The following ADCY9 variants were observed in gnomAD, a reference collection of about 807,000 sequenced individuals.
The protein encoded by ADCY9 is adenylate cyclase type 9.
ADCY9 carries 50 observed loss-of-function variants against 101.5 expected under a neutral mutation model. That is an observed-to-expected ratio of 0.49 (90% confidence interval 0.39 to 0.62). ADCY9 has a LOEUF of 0.62. Among genes scored for constraint, ADCY9 ranks in the 20% least tolerant of loss-of-function variants. ADCY9 has a pLI of 0.00. For synonymous variants in ADCY9, 905 were observed against 769.3 expected, an observed-to-expected ratio of 1.18 and a Z score of -2.92; for missense variants, 1,662 against 1,800.4, an observed-to-expected ratio of 0.92 and a Z score of 1.39.
chr16:3,991,805 C>T (rs1331532495), intron 5 of ADCY9, among the ~76,000 whole-genome samples: 1 of 142,098 alleles, frequency 7.0e-6, no homozygotes, highest in Non-Finnish European at 1.5e-5. Flanking sequence ...CGTGGTGGCT[C>T]ACGCCTATAA....
chr16:4,097,475 T>TAC lies in ADCY9; in HGVS notation c.1693+16274_1693+16275insGT, dbSNP rs1382750078. ...TTACATATATATATATATATATATA[T>TAC]ATATATATATATACACACACACACA... On this transcript the variant is annotated intron_variant, in intron 2 of 10. Transcript: ENST00000294016. Among the ~76,000 whole-genome samples the TAC allele has an allele frequency of 3.4e-3, 153 of 45,106 alleles. 6 individuals carry two copies. Among genetic ancestry groups the TAC allele is most frequent in the African/African-American group, 7.4e-3 (134 of 18,062 alleles). The allele number at this position is 45,106 out of a possible 152,430, so 29.6% of individuals were successfully genotyped here.
At position 4,097,556 on chromosome 16, in the gene ADCY9, T is replaced by A. The variant is rs1430153353; in HGVS notation, c.1693+16194A>T. Among the ~76,000 whole-genome samples, 354 of 85,234 alleles carry A rather than the reference T, an allele frequency of 4.2e-3. 13 individuals are homozygous for A. Among genetic ancestry groups the A allele is most frequent in the African/African-American group, 0.024 (310 of 12,946 alleles). The allele number at this position is 85,234 out of a possible 152,430, so 55.9% of individuals were successfully genotyped here. ...ATATATATATATATATATATATATT[T>A]TTTTTTTTTTTTTTTAAGACAGAGT... On this transcript the variant is annotated intron_variant, in intron 2 of 10. Coordinates refer to ENST00000294016, the MANE Select transcript of ADCY9 (RefSeq NM_001116.4).
intron 2 of ADCY9, among the ~76,000 whole-genome samples, chr16:4,060,122 C>T (rs2056765482): frequency 6.6e-6 from 1 of 152,120 alleles, no homozygotes; most frequent in African/African-American, 2.4e-5. Context: ...ACATAAACCA[C>T]GGTGATTTCC....
At chr16:3,975,756 AATAGTGAAACATTTTT>A (rs1222433406) in intron 9 of ADCY9, among the ~76,000 whole-genome samples, 1 of 152,220 alleles carries the variant, frequency 6.6e-6, no homozygotes, top group Non-Finnish European at 1.5e-5. Context: ...AATACACACT[AATAGTGAAACATTTTT>A]ATAAGCAGTT....
At chr16:4,003,452 C>T (rs1304342565) in intron 3 of ADCY9, among the ~76,000 whole-genome samples, 1 of 152,188 alleles carries the variant, frequency 6.6e-6, no homozygotes, top group Non-Finnish European at 1.5e-5. Context: ...TCCACAGGCA[C>T]CATTCCGGCT....
chr16:4,073,367 A>G (rs1597208883), intron 2 of ADCY9, among the ~76,000 whole-genome samples: 1 of 150,226 alleles, frequency 6.7e-6, no homozygotes, highest in African/African-American at 2.5e-5. Context: ...AATTACAAGC[A>G]TGAGTCACCG....
chr16:3,994,328 G>C (rs1458743856), intron 3 of ADCY9, among the ~76,000 whole-genome samples: 1 of 152,110 alleles, frequency 6.6e-6, no homozygotes, highest in Non-Finnish European at 1.5e-5. Context: ...AAAGCCACCT[G>C]GTTTGTGGTA....
chr16:4,038,346 C>T (rs1717916655), intron 2 of ADCY9, among the ~76,000 whole-genome samples: 1 of 151,534 alleles, frequency 6.6e-6, no homozygotes, highest in Admixed American at 6.6e-5. Context: ...GCTCCACCTT[C>T]TCAAATGGGA....
intron 10 of ADCY9, among the ~76,000 whole-genome samples, chr16:3,974,354 C>T (rs934725640): frequency 2.0e-5 from 3 of 152,158 alleles, no homozygotes; most frequent in South Asian, 4.1e-4. Flanking sequence ...GATTTCAAGT[C>T]GGTTATTTTA....
At chr16:3,996,216 G>T (rs867594514) in intron 3 of ADCY9, among the ~76,000 whole-genome samples, 5 of 152,104 alleles carry the variant, frequency 3.3e-5, no homozygotes, top group Non-Finnish European at 5.9e-5. Flanking sequence ...AAACCAATTA[G>T]CTGACCTTGA....
In ADCY9 at chr16:4,115,703, G is replaced by T. The variant is rs1476147076; in HGVS notation, c.-57C>A. On this transcript the variant is annotated 5_prime_UTR_variant, in exon 1 of 11. Coordinates refer to ENST00000294016, the MANE Select transcript of ADCY9 (RefSeq NM_001116.4). This position sits in a 1 kb window ranked among gnomAD's most constrained non-coding sequence, Gnocchi z 6.2. Reference sequence around the variant, plus strand: ...CTCGGGACGGACCTAGAACGCCCGGGGGTCCCCGCCGCGTGGCCGCCGTGG... The same window carrying T: ...CTCGGGACGGACCTAGAACGCCCGGTGGTCCCCGCCGCGTGGCCGCCGTGG... 1 of 429,228 alleles carries T rather than the reference G, an allele frequency of 2.3e-6. No individual in the cohort carries two copies. The highest frequency in any genetic ancestry group is 4.1e-6 in the Non-Finnish European group (1 of 246,376). 26.6% of individuals were successfully genotyped at this position (429,228 alleles called of 1,614,324 possible).
intron 2 of ADCY9, among the ~76,000 whole-genome samples, chr16:4,070,207 C>G (rs1182827117): frequency 1.3e-5 from 2 of 151,990 alleles, no homozygotes; most frequent in East Asian, 3.8e-4. Context: ...ATTTCCATAT[C>G]ACTCACTGTT....
intron 2 of ADCY9, among the ~76,000 whole-genome samples, chr16:4,053,840 A>C (rs1183441614): frequency 6.6e-6 from 1 of 152,096 alleles, no homozygotes; most frequent in African/African-American, 2.4e-5. Flanking sequence ...GTAATAAAAC[A>C]CAGCATTTTA....
chr16:4,026,013 A>G (rs1247389874), intron 2 of ADCY9, among the ~76,000 whole-genome samples: 1 of 152,252 alleles, frequency 6.6e-6, no homozygotes, highest in Non-Finnish European at 1.5e-5. Context: ...GCAAAGAAAT[A>G]GCAAAGACAG....
chr16:3,994,318 A>C (rs996251302), intron 3 of ADCY9, among the ~76,000 whole-genome samples: 1 of 152,210 alleles, frequency 6.6e-6, no homozygotes, highest in Non-Finnish European at 1.5e-5. Context: ...CTGTTGTTTA[A>C]AAGCCACCTG....
Position 4,115,767 on chromosome 16 carries a change from C to A in ADCY9, c.-121G>T. 1 of 406,426 alleles carries A rather than the reference C, an allele frequency of 2.5e-6. No individual in the cohort carries two copies. Among genetic ancestry groups the A allele is most frequent in the South Asian group, 1.1e-4 (1 of 8,930 alleles). 25.2% of individuals were successfully genotyped at this position (406,426 alleles called of 1,614,324 possible). A position where few individuals can be genotyped will look rare whatever the true frequency, so the allele number is the denominator to read the frequency against. ...TTGCTCGCTCGCCTTCCGCGCCTCTCGCCCCGAGGGTGGCCTCCGCGCCGC... is the reference window on the plus strand; with the variant it reads ...TTGCTCGCTCGCCTTCCGCGCCTCTAGCCCCGAGGGTGGCCTCCGCGCCGC... On this transcript the variant is annotated 5_prime_UTR_variant, in exon 1 of 11. Transcript: ENST00000294016. The surrounding 1 kb of genome is among the most constrained non-coding windows in gnomAD (Gnocchi z 6.2).
intron 9 of ADCY9, among the ~76,000 whole-genome samples, chr16:3,975,958 T>C (rs148149458): frequency 5.6e-4 from 85 of 152,330 alleles, no homozygotes; most frequent in African/African-American, 1.8e-3. Context: ...CTGAAACCAG[T>C]AGCAAATGTG....
At chr16:4,096,854 A>G (rs976018541) in intron 2 of ADCY9, among the ~76,000 whole-genome samples, 5 of 152,122 alleles carry the variant, frequency 3.3e-5, no homozygotes, top group Admixed American at 6.5e-5. Context: ...CACGAAAATA[A>G]ATGATTCAAA....
At chr16:3,984,621 C>T (rs1037095403) in intron 6 of ADCY9, among the ~76,000 whole-genome samples, 2 of 152,176 alleles carry the variant, frequency 1.3e-5, no homozygotes, top group African/African-American at 2.4e-5. Flanking sequence ...TGGCATGGAC[C>T]GGTTGACTCC....
Sources: gnomAD v4.1 joint callset for allele counts (sites outside exome capture counted in the v4.1 genomes callset) on GRCh38, gnomAD v4.1.1 for gene constraint, Gnocchi (gnomAD v3.1) non-coding constraint, MANE v1.5 for transcripts, NCBI Gene and HGNC (gene_info 2026-07-23, HGNC 2026-07-21) for gene names.